TMPRSS3: variants seen among roughly 807,000 people sequenced by gnomAD.
TMPRSS3 encodes the protein transmembrane protease serine 3.
A neutral mutation model predicts 59.6 loss-of-function variants in TMPRSS3; 55 were observed. The observed-to-expected ratio is 0.92, with a 90% confidence interval of 0.74 to 1.16. The LOEUF is 1.16. Among genes scored for constraint, TMPRSS3 ranks in the 50% most tolerant of loss-of-function variants. The pLI is 0.00. For synonymous variants in TMPRSS3, 257 were observed against 237.7 expected (o/e 1.08, Z -0.75); for missense variants, 596 against 579.4 (o/e 1.03, Z -0.29).
intron 2 of TMPRSS3, among the ~76,000 whole-genome samples, chr21:42,392,337 AGT>A (rs1430051483): frequency 6.6e-6 from 1 of 152,202 alleles, no homozygotes; most frequent in African/African-American, 2.4e-5. Context: ...AGGAGAAAAG[AGT>A]GTGCAGAGGA....
chr21:42,378,395 C>A (rs1268426273), intron 10 of TMPRSS3, among the ~76,000 whole-genome samples: 1 of 152,234 alleles, frequency 6.6e-6, no homozygotes, highest in Non-Finnish European at 1.5e-5. Context: ...GGAGCCCAAC[C>A]TTATTTGGAA....
intron 9 of TMPRSS3, 65 bp downstream of exon 9, chr21:42,382,000 G>T (rs763183670): frequency 9.4e-6 from 15 of 1,593,060 alleles, no homozygotes; most frequent in Admixed American, 1.7e-5. Flanking sequence ...ATGCTTCAAT[G>T]AGCAATTGCA....
chr21:42,388,992 C>T lies in TMPRSS3; in HGVS notation c.259G>A (p.Glu87Lys), dbSNP rs1455248764. 7.4e-6 allele frequency: 12 copies of T among 1,614,052 alleles called. No homozygotes were observed. The highest frequency in any genetic ancestry group is 2.2e-5 in the South Asian group (2 of 91,084). ...YRCRSSFKCI[E>K]LIARCDGVSD... is the part of the protein sequence containing the mutation. ...ACTCCGTCACATCGAGCTATCAGCT[C>T]GATACACTTAAAGGATGAGCGACAT... Residue 87 changes from glutamate (E) to lysine (K), a missense_variant, in exon 4 of 13, where the codon GAG becomes AAG. Physicochemically the swap from Glu to Lys is moderately conservative, Grantham distance 56. Coordinates refer to ENST00000644384, the MANE Select transcript of TMPRSS3 (RefSeq NM_001256317.3). The surrounding 1 kb of genome is among the most constrained non-coding windows in gnomAD (Gnocchi z 5.1).
Position 42,372,024 on chromosome 21 carries a change from T to C in TMPRSS3, c.*738A>G, listed in dbSNP as rs2052343904. On this transcript the variant is annotated 3_prime_UTR_variant, in exon 13 of 13. Coordinates refer to ENST00000644384, the MANE Select transcript of TMPRSS3 (RefSeq NM_001256317.3). The stretch of plus-strand genomic sequence containing the variant: ...CCTCCCCACATGTGAAAATAAGTCT[T>C]GGAAGTAGAAAGGGTGGGTTTGGTT... The C allele has an allele frequency of 2.2e-6, 1 of 454,322 alleles. No individual in the cohort carries two copies. The highest frequency in any genetic ancestry group is 1.6e-5 in the South Asian group (1 of 64,478). 28.1% of individuals were successfully genotyped at this position (454,322 alleles called of 1,614,324 possible). A position where few individuals can be genotyped will look rare whatever the true frequency, so the allele number is the denominator to read the frequency against.
Position 42,388,420 on chromosome 21 carries a change from G to A in TMPRSS3, c.429C>T (p.Ala143=), listed in dbSNP as rs1368614499. ...WKGHYANVAC[A]QLGFPSYVSS... ...TAACTTACCTTGGGAAACCCAGTTG[G>A]GCACAGGCAACATTTGCGTAGTGAC... Residue 143 remains alanine (A), a synonymous_variant, in exon 5 of 13, where the codon GCC becomes GCT. Transcript: ENST00000644384. The surrounding 1 kb of genome is among the most constrained non-coding windows in gnomAD (Gnocchi z 5.1). The A allele has an allele frequency of 6.2e-7, 1 of 1,614,202 alleles. No homozygotes were observed. Among genetic ancestry groups the A allele is most frequent in the Non-Finnish European group, 8.5e-7 (1 of 1,180,044 alleles).
chr21:42,384,849 C>A lies in TMPRSS3; in HGVS notation c.572+560G>T, dbSNP rs150751429. ...CTGCTACACACCGTCTAACCTGGGGCAAGGCATGTGGTCCCTGTAAGTTTC... is the reference window on the plus strand; with the variant it reads ...CTGCTACACACCGTCTAACCTGGGGAAAGGCATGTGGTCCCTGTAAGTTTC... On this transcript the variant is annotated intron_variant, in intron 6 of 12. Coordinates refer to ENST00000644384, the MANE Select transcript of TMPRSS3 (RefSeq NM_001256317.3). 6.3e-3 allele frequency among the ~76,000 whole-genome samples: 960 copies of A among 152,212 alleles called. 7 individuals carry two copies. Among genetic ancestry groups the A allele is most frequent in the African/African-American group, 0.021 (874 of 41,508 alleles).
At chr21:42,375,032 G>A (rs1192617112) in intron 12 of TMPRSS3, among the ~76,000 whole-genome samples, 2 of 151,858 alleles carry the variant, frequency 1.3e-5, no homozygotes, top group African/African-American at 2.4e-5. Context: ...ATGTTTCCCC[G>A]GCGCCCACAT....
intron 3 of TMPRSS3, 182 bp from the exon 4 acceptor site, chr21:42,389,227 G>A: frequency 2.3e-6 from 3 of 1,287,008 alleles, no homozygotes; most frequent in Non-Finnish European, 3.2e-6. Flanking sequence ...CCAAGGGGTG[G>A]GGCTGCTGTG....
At chr21:42,395,174 AT>A (rs2052786162) in intron 2 of TMPRSS3, 149 bp downstream of exon 2, 3 of 727,110 alleles carry the variant, frequency 4.1e-6, no homozygotes, top group Non-Finnish European at 7.5e-6. Flanking sequence ...TCTCCCTGAG[AT>A]TCTGCAGATC....
At chr21:42,392,728 C>T (rs931525171) in intron 2 of TMPRSS3, among the ~76,000 whole-genome samples, 6 of 152,222 alleles carry the variant, frequency 3.9e-5, no homozygotes, top group Non-Finnish European at 7.3e-5. Flanking sequence ...AGGATGCCCA[C>T]CCTTCGTCTT....
intron 5 of TMPRSS3, among the ~76,000 whole-genome samples, chr21:42,386,612 C>A (rs1790003756): frequency 6.6e-6 from 1 of 152,210 alleles, no homozygotes; most frequent in Non-Finnish European, 1.5e-5. Flanking sequence ...GCCCACCAAG[C>A]CCTTCCACAC....
Position 42,395,976 on chromosome 21 carries a change from A to G in TMPRSS3, c.-86T>C, listed in dbSNP as rs1260570305. 3.9e-6 allele frequency: 2 copies of G among 518,906 alleles called. No homozygotes were observed. Among genetic ancestry groups the G allele is most frequent in the African/African-American group, 1.9e-5 (1 of 51,944 alleles). The allele number at this position is 518,906 out of a possible 1,614,324, so 32.1% of individuals were successfully genotyped here. On this transcript the variant is annotated 5_prime_UTR_variant, in exon 1 of 13. Coordinates refer to ENST00000644384, the MANE Select transcript of TMPRSS3 (RefSeq NM_001256317.3). ...GAGTCCCAAAAATGTAGATGGCACC[A>G]CGGAAGAGATAGTAGGCCACAGTGT...
At chr21:42,393,202 G>A (rs755099633) in intron 2 of TMPRSS3, among the ~76,000 whole-genome samples, 8 of 151,970 alleles carry the variant, frequency 5.3e-5, no homozygotes, top group East Asian at 1.9e-4. Context: ...CCGAGATCAC[G>A]CCATTGCACT....
intron 12 of TMPRSS3, 89 bp downstream of exon 12, chr21:42,375,627 G>C (rs1377599026): frequency 1.3e-6 from 2 of 1,562,648 alleles, no homozygotes; most frequent in East Asian, 2.2e-5. Flanking sequence ...GTCACGCCCT[G>C]GTTTTTATAG....
chr21:42,385,472 A>G lies in TMPRSS3; in HGVS notation c.509T>C (p.Val170Ala). Residue 170 changes from valine to alanine, a missense_variant, in exon 6 of 13, where the codon GTG (valine) becomes GCG (alanine). By Grantham distance (64) the Val-to-Ala change is moderately conservative. Transcript: ENST00000644384. ...SLEGQFREEFVSIDHLLPDDK... is the reference protein window; with the variant it reads ...SLEGQFREEFASIDHLLPDDK... Reference sequence around the variant, plus strand: ...ATCTGGCAAGAGGTGATCGATGGACACAAACTCCTCCCGGAACTGCCCCTC... The same window carrying G: ...ATCTGGCAAGAGGTGATCGATGGACGCAAACTCCTCCCGGAACTGCCCCTC... 6.2e-7 allele frequency: 1 copy of G among 1,614,194 alleles called. No homozygotes were observed. Among genetic ancestry groups the G allele is most frequent in the Non-Finnish European group, 8.5e-7 (1 of 1,180,022 alleles).
At chr21:42,391,466 G>A (rs750818652) in intron 2 of TMPRSS3, among the ~76,000 whole-genome samples, 59 of 152,098 alleles carry the variant, frequency 3.9e-4, no homozygotes, top group South Asian at 1.2e-3. Context: ...GATACAGATA[G>A]CGTCTCCCTC....
At chr21:42,385,338 T>C (rs1051911646) in intron 6 of TMPRSS3, 71 bp downstream of exon 6, 11 of 1,603,142 alleles carry the variant, frequency 6.9e-6, no homozygotes, top group Non-Finnish European at 9.4e-6. Context: ...CTTGTGGAGT[T>C]GTGCATAGCA....
chr21:42,372,849 G>T lies in TMPRSS3; in HGVS notation c.1345-70C>A, dbSNP rs375495051. On this transcript the variant is annotated intron_variant, in intron 12 of 12. Coordinates refer to ENST00000644384, the MANE Select transcript of TMPRSS3 (RefSeq NM_001256317.3). ...CATCCGTCCAACATGATGACGGAGC[G>T]GGCACCTGCATTTTGCCCTGTGGGA... 4.6e-5 allele frequency: 73 copies of T among 1,582,172 alleles called. No individual in the cohort carries two copies. The African/African-American group carries it at 9.0e-4, about 20-fold the overall frequency.
rs762046668 is a variant in TMPRSS3, at chr21:42,375,770, A to G, written c.1290T>C (p.Pro430=). 2.4e-5 allele frequency: 38 copies of G among 1,613,714 alleles called. No individual in the cohort carries two copies. In the South Asian group the frequency reaches 4.1e-4, roughly 17 times the overall value. Residue 430 remains proline, a synonymous_variant, in exon 12 of 13, where the codon CCT becomes CCC. Coordinates refer to ENST00000644384, the MANE Select transcript of TMPRSS3 (RefSeq NM_001256317.3). ...AGGAGGTGACACGGGTGTACACCCC[A>G]GGCTTGTTCACCTCTGCGCAGCCGA... ...FGIGCAEVNK[P]GVYTRVTSFL... is the part of the protein sequence containing the mutation.
Sources: allele counts gnomAD v4.1 joint callset (sites outside exome capture counted in the v4.1 genomes callset), GRCh38; gene constraint gnomAD v4.1.1; non-coding constraint Gnocchi (gnomAD v3.1); transcripts MANE v1.5; gene names NCBI Gene and HGNC (gene_info 2026-07-23, HGNC 2026-07-21).